The following LAMC2 variants were observed in gnomAD, a reference collection of about 807,000 sequenced individuals.
LAMC2 encodes the protein laminin subunit gamma-2.
Under a neutral mutation model 140.2 loss-of-function variants are expected in LAMC2, and 97 were observed. The observed-to-expected ratio is 0.69, with a 90% confidence interval of 0.59 to 0.82. LAMC2 has a LOEUF of 0.82. Ranked by LOEUF, LAMC2 falls within the 40% of genes least tolerant of loss-of-function variation. The pLI is 0.00. For missense variants in LAMC2, 1,402 were observed against 1,476.1 expected (o/e 0.95, Z 0.82); for synonymous variants, 513 against 540.2 (o/e 0.95, Z 0.70).
chr1:183,211,606 G>A (rs1444884493), intron 2 of LAMC2, among the ~76,000 whole-genome samples: 4 of 152,146 alleles, frequency 2.6e-5, no homozygotes, highest in Non-Finnish European at 4.4e-5. Flanking sequence ...AAACTCCTGG[G>A]CTCAAGCAGT....
chr1:183,199,106 T>TC (rs1225932949), intron 1 of LAMC2, among the ~76,000 whole-genome samples: 7 of 135,704 alleles, frequency 5.2e-5, no homozygotes, highest in South Asian at 2.5e-4. Context: ...TCTTTTTTTT[T>TC]TTTTTTTTTT....
chr1:183,195,556 G>T (rs1658487287), intron 1 of LAMC2, among the ~76,000 whole-genome samples: 1 of 152,158 alleles, frequency 6.6e-6, no homozygotes, highest in South Asian at 2.1e-4. Flanking sequence ...AATGTCAACT[G>T]GTGCCGTGCC....
Position 183,186,294 on chromosome 1 carries a change from C to T in LAMC2, c.-59C>T, listed in dbSNP as rs549343759. On this transcript the variant is annotated 5_prime_UTR_variant, in exon 1 of 23. Coordinates refer to ENST00000264144, the MANE Select transcript of LAMC2 (RefSeq NM_005562.3). ...GGAGCGCAGAGTGAGAACCACCAAC[C>T]GAGGCGCCGGGCAGCGACCCCTGCA... The T allele has an allele frequency of 1.2e-5, 18 of 1,542,190 alleles. No homozygotes were observed. The African/African-American group carries it at 2.4e-4, about 21-fold the overall frequency.
intron 3 of LAMC2, among the ~76,000 whole-genome samples, chr1:183,216,717 T>C (rs1659272204): frequency 6.6e-6 from 1 of 152,110 alleles, no homozygotes; most frequent in African/African-American, 2.4e-5. Flanking sequence ...TTTCACTCCA[T>C]ATCTTATTTT....
At chr1:183,230,841 C>A in intron 11 of LAMC2, 120 bp from the exon 12 acceptor site, 1 of 1,123,364 alleles carries the variant, frequency 8.9e-7, no homozygotes. Context: ...TAAGAAGGTG[C>A]ATGGAGGTAT....
intron 1 of LAMC2, among the ~76,000 whole-genome samples, chr1:183,192,132 C>CCTCCAGCACTGATCTATGGAAGAA (rs1658354497): frequency 6.6e-6 from 1 of 152,174 alleles, no homozygotes; most frequent in Non-Finnish European, 1.5e-5. Context: ...AATGGTTCTT[C>CCTCCAGCACTGATCTATGGAAGAA]CTCCAGCACT....
At position 183,186,381 on chromosome 1, in the gene LAMC2, T is replaced by C; in HGVS notation, c.29T>C (p.Leu10Pro). 6.2e-7 allele frequency: 1 copy of C among 1,605,628 alleles called. No homozygotes were observed. Reference sequence around the variant, plus strand: ...CCTGCGCTCTGGCTGGGCTGCTGCCTCTGCTTCTCGCTCCTCCTGCCCGCA... The same window carrying C: ...CCTGCGCTCTGGCTGGGCTGCTGCCCCTGCTTCTCGCTCCTCCTGCCCGCA... MPALWLGCCLCFSLLLPAAR... is the reference protein window; with the variant it reads MPALWLGCCPCFSLLLPAAR... Residue 10 changes from leucine (L) to proline (P), a missense_variant, in exon 1 of 23, where the codon CTC (leucine) becomes CCC (proline). Physicochemically the swap from Leu to Pro is moderately conservative, Grantham distance 98. This residue lies in a region of LAMC2 where 723 missense variants were observed against 783.3 expected (regional missense o/e 0.92). Transcript: ENST00000264144.
Position 183,243,250 on chromosome 1 carries a change from G to T in LAMC2, c.3432G>T (p.Glu1144Asp). Residue 1144 changes from glutamate (E) to aspartate (D), a missense_variant, in exon 23 of 23, where the codon GAG (glutamate) becomes GAT (aspartate). Glu to Asp is a conservative substitution (Grantham distance 45). Transcript: ENST00000264144. Reference protein sequence around the residue: ...INSQLRPMMSELEERARQQRG... With the variant: ...INSQLRPMMSDLEERARQQRG... ...GCCAACTGCGGCCCATGATGTCAGA[G>T]CTGGAAGAGAGGGCACGTCAGCAGA... 3 of 1,614,188 alleles carry T rather than the reference G, an allele frequency of 1.9e-6. No individual in the cohort carries two copies. Among genetic ancestry groups the T allele is most frequent in the Non-Finnish European group, 2.5e-6 (3 of 1,180,040 alleles).
downstream of LAMC2, among the ~76,000 whole-genome samples, chr1:183,247,237 C>T (rs896613869): frequency 3.7e-4 from 56 of 152,152 alleles, 1 homozygote; most frequent in African/African-American, 1.2e-3. Context: ...ACTTGAACCC[C>T]GGAGGCTGAT....
intron 1 of LAMC2, among the ~76,000 whole-genome samples, chr1:183,192,852 G>A (rs899098838): frequency 6.6e-6 from 1 of 152,106 alleles, no homozygotes; most frequent in African/African-American, 2.4e-5. Flanking sequence ...CTTTAGGGGT[G>A]CACCACCATG....
At chr1:183,193,225 C>T (rs1001721487) in intron 1 of LAMC2, among the ~76,000 whole-genome samples, 12 of 152,178 alleles carry the variant, frequency 7.9e-5, no homozygotes, top group Non-Finnish European at 1.8e-4. Flanking sequence ...GAACAGATTT[C>T]AAATTACCAA....
In LAMC2 at chr1:183,223,263, G is replaced by A; in HGVS notation, c.892G>A (p.Ala298Thr). Residue 298 changes from alanine to threonine, a missense_variant, in exon 7 of 23, where the codon GCT becomes ACT. Coordinates refer to ENST00000264144, the MANE Select transcript of LAMC2 (RefSeq NM_005562.3). Reference sequence around the variant, plus strand: ...GGAAGGTGCTGGTCTACGGATCACAGCTCCCTTGATGCCACTTGGCAAGAC... The same window carrying A: ...GGAAGGTGCTGGTCTACGGATCACAACTCCCTTGATGCCACTTGGCAAGAC... The part of the protein sequence containing the change: ...ILEGAGLRIT[A>T]PLMPLGKTLP... The A allele has an allele frequency of 1.9e-6, 3 of 1,614,212 alleles. No homozygotes were observed. Among genetic ancestry groups the A allele is most frequent in the Non-Finnish European group, 2.5e-6 (3 of 1,180,036 alleles).
At chr1:183,253,314 TTATTTATA>T in the LAMC2 span, among the ~76,000 whole-genome samples, 1 of 148,122 alleles carries the variant, frequency 6.8e-6, no homozygotes, top group African/African-American at 2.5e-5. Flanking sequence ...TTATATTATA[TTATTTATA>T]TAAGTGTTAA....
intron 1 of LAMC2, among the ~76,000 whole-genome samples, chr1:183,194,515 T>C (rs1205909925): frequency 6.6e-6 from 1 of 151,258 alleles, no homozygotes; most frequent in Non-Finnish European, 1.5e-5. Context: ...AGATTTATTG[T>C]TTTTTTTTAA....
the LAMC2 span, among the ~76,000 whole-genome samples, chr1:183,258,703 T>C: frequency 1.3e-5 from 2 of 152,018 alleles, no homozygotes; most frequent in Non-Finnish European, 2.9e-5. Context: ...CTAAGATCAG[T>C]GTTTGCAATA....
intron 1 of LAMC2, among the ~76,000 whole-genome samples, chr1:183,198,140 CTT>C (rs11338377): frequency 2.2e-4 from 30 of 138,140 alleles, no homozygotes; most frequent in Admixed American, 2.9e-4. Context: ...TTTTTTCTTT[CTT>C]TTTTTTTTTT....
chr1:183,241,922 G>A (rs1660145580), intron 22 of LAMC2, among the ~76,000 whole-genome samples: 1 of 152,154 alleles, frequency 6.6e-6, no homozygotes, highest in Non-Finnish European at 1.5e-5. Context: ...AGGGAGAGCA[G>A]GGTAGATGGA....
rs1426916363 is a variant in LAMC2, at chr1:183,227,000, C to A, written c.1285+84C>A. The stretch of plus-strand genomic sequence containing the variant: ...GTGTAAGAAAGACCATGGCTGAACT[C>A]ACATCAGAGGTGGGAAAGGATTAAG... On this transcript the variant is annotated intron_variant, in intron 9 of 22. Coordinates refer to ENST00000264144, the MANE Select transcript of LAMC2 (RefSeq NM_005562.3). 5 of 1,081,500 alleles carry A rather than the reference C, an allele frequency of 4.6e-6. No individual in the cohort carries two copies. In the East Asian group the frequency reaches 9.4e-5, roughly 20 times the overall value. The allele number at this position is 1,081,500 out of a possible 1,614,324, so 67.0% of individuals were successfully genotyped here.
rs1272178808 is a variant in LAMC2 at position 183,232,172 on chromosome 1, C to T, written c.1858-15C>T. 7.4e-6 allele frequency: 12 copies of T among 1,613,326 alleles called. No individual in the cohort carries two copies. The highest frequency in any genetic ancestry group is 3.3e-5 in the Admixed American group (2 of 60,012). On this transcript the variant is annotated splice_polypyrimidine_tract_variant and intron_variant, in intron 12 of 22. Transcript: ENST00000264144. Reference sequence around the variant, plus strand: ...GGTCTCCACCCTCGTTCTGATCTTTCCTGTGTGGTTTCAGATGGATCAGTT... The same window carrying T: ...GGTCTCCACCCTCGTTCTGATCTTTTCTGTGTGGTTTCAGATGGATCAGTT...
Sources: allele counts gnomAD v4.1 joint callset (sites outside exome capture counted in the v4.1 genomes callset), GRCh38; gene constraint gnomAD v4.1.1; regional missense constraint gnomAD v4.1.1; transcripts MANE v1.5; gene names NCBI Gene and HGNC (gene_info 2026-07-23, HGNC 2026-07-21).